Variants in CIDEA observed in about 807,000 individuals in gnomAD.
CIDEA encodes cell death inducing DFFA like effector a.
A neutral mutation model predicts 18.2 loss-of-function variants in CIDEA; 10 were observed. That is an observed-to-expected ratio of 0.55 (90% CI 0.34 to 0.93). The LOEUF is 0.93. Ranked by LOEUF, CIDEA falls within the 40% of genes least tolerant of loss-of-function variation. The probability of loss-of-function intolerance (pLI) is 0.02; values close to 1 mark genes in which losing one functional copy is unlikely to be tolerated. For missense variants in CIDEA, 309 were observed against 293.1 expected, an observed-to-expected ratio of 1.05 and a Z score of -0.40; for synonymous variants, 128 against 124.8, an observed-to-expected ratio of 1.03 and a Z score of -0.17.
intron 4 of CIDEA, 132 bp downstream of exon 4, chr18:12,274,406 T>A: frequency 1.4e-6 from 1 of 730,854 alleles, no homozygotes. Flanking sequence ...AGTAATGTTG[T>A]CTGGAGGTCA....
At chr18:12,263,027 G>A in intron 2 of CIDEA, 58 bp downstream of exon 2, 1 of 1,574,334 alleles carries the variant, frequency 6.4e-7, no homozygotes, top group Middle Eastern at 1.9e-4. Context: ...ACTCACACAG[G>A]GCCATGGTCT....
intron 3 of CIDEA, among the ~76,000 whole-genome samples, chr18:12,266,913 A>AC (rs1371727630): frequency 6.6e-6 from 1 of 152,022 alleles, no homozygotes; most frequent in Non-Finnish European, 1.5e-5. Flanking sequence ...GGCACGTGCC[A>AC]CCACGCCTGG....
In CIDEA at chr18:12,264,025, C is replaced by G. The variant is rs575804001; in HGVS notation, c.184-282C>G. On this transcript the variant is annotated intron_variant, in intron 2 of 4. Coordinates refer to ENST00000320477, the MANE Select transcript of CIDEA (RefSeq NM_001279.4). ...GCTGTGGCAGGAAGATTGCTTGAGC[C>G]CAGGAGTCTGAGGCTGTGATGCACT... Among the ~76,000 whole-genome samples, 63 of 152,232 alleles carry G rather than the reference C, an allele frequency of 4.1e-4. No homozygotes were observed. In the Middle Eastern group the frequency reaches 0.01, roughly 25 times the overall value.
In CIDEA at chr18:12,277,464, G is replaced by T. The variant is rs1215917132; in HGVS notation, c.*194G>T. ...GGGGCAGTGGGCAGGGTGCCCTGGG[G>T]GGGAGGCATAGAGGGCCCTGGGGGT... On this transcript the variant is annotated 3_prime_UTR_variant, in exon 5 of 5. Coordinates refer to ENST00000320477, the MANE Select transcript of CIDEA (RefSeq NM_001279.4). 3.4e-5 allele frequency: 22 copies of T among 638,300 alleles called. No individual in the cohort carries two copies. Among genetic ancestry groups the T allele is most frequent in the Admixed American group, 1.5e-4 (5 of 33,804 alleles). 39.5% of individuals were successfully genotyped at this position (638,300 alleles called of 1,614,324 possible). A position where few individuals can be genotyped will look rare whatever the true frequency, so the allele number is the denominator to read the frequency against.
At chr18:12,276,852 C>T (rs1265795392) in intron 4 of CIDEA, among the ~76,000 whole-genome samples, 1 of 152,194 alleles carries the variant, frequency 6.6e-6, no homozygotes, top group Admixed American at 6.5e-5. Flanking sequence ...CTCATGGGAG[C>T]CGTGCTTCTT....
chr18:12,274,378 A>G, intron 4 of CIDEA, 104 bp downstream of exon 4: 1 of 1,041,790 alleles, frequency 9.6e-7, no homozygotes, highest in Non-Finnish European at 1.4e-6. Context: ...GCCGGCTAGC[A>G]CTGTTAGGGG....
chr18:12,262,684 T>C, intron 1 of CIDEA, 141 bp from the exon 2 acceptor site: 3 of 739,312 alleles, frequency 4.1e-6, no homozygotes, highest in African/African-American at 1.8e-5. Flanking sequence ...TGTACACTTG[T>C]ATATATAATT....
chr18:12,265,664 C>T (rs895920684), intron 3 of CIDEA, among the ~76,000 whole-genome samples: 1 of 152,214 alleles, frequency 6.6e-6, no homozygotes, highest in South Asian at 2.1e-4. Context: ...TCTCTTTACT[C>T]CAGCCCCGTT....
chr18:12,259,494 G>A (rs1208800001), intron 1 of CIDEA, among the ~76,000 whole-genome samples: 2 of 152,188 alleles, frequency 1.3e-5, no homozygotes, highest in Non-Finnish European at 1.5e-5. Flanking sequence ...GCCACTCTGA[G>A]CCTCAGTTTT....
chr18:12,254,482 T>TA, intron 1 of CIDEA, 61 bp downstream of exon 1: 9 of 1,572,520 alleles, frequency 5.7e-6, no homozygotes, highest in Non-Finnish European at 7.7e-6. Flanking sequence ...TTCGGTGGCC[T>TA]CATATTCCCC....
At position 12,277,452 on chromosome 18, in the gene CIDEA, G is replaced by A; in HGVS notation, c.*182G>A. The A allele has an allele frequency of 1.4e-6, 1 of 692,032 alleles. No homozygotes were observed. Among genetic ancestry groups the A allele is most frequent in the Non-Finnish European group, 2.3e-6 (1 of 425,618 alleles). The allele number at this position is 692,032 out of a possible 1,614,324, so 42.9% of individuals were successfully genotyped here. A position where few individuals can be genotyped will look rare whatever the true frequency, so the allele number is the denominator to read the frequency against. On this transcript the variant is annotated 3_prime_UTR_variant, in exon 5 of 5. Coordinates refer to ENST00000320477, the MANE Select transcript of CIDEA (RefSeq NM_001279.4). Reference sequence around the variant, plus strand: ...GTACATGAAGTGGGGGCAGTGGGCAGGGTGCCCTGGGGGGGAGGCATAGAG... The same window carrying A: ...GTACATGAAGTGGGGGCAGTGGGCAAGGTGCCCTGGGGGGGAGGCATAGAG...
intron 3 of CIDEA, 125 bp from the exon 4 acceptor site, chr18:12,273,968 C>A: frequency 1.0e-6 from 1 of 979,614 alleles, no homozygotes; most frequent in Non-Finnish European, 1.5e-6. Context: ...TATCGATTAG[C>A]CACGGAGCCG....
chr18:12,255,052 T>C, intron 1 of CIDEA: 1 of 730,930 alleles, frequency 1.4e-6, no homozygotes, highest in African/African-American at 1.9e-5. Flanking sequence ...GGGTGGACCC[T>C]GAGGAGTCTT....
At chr18:12,255,295 C>T (rs1467150890) in intron 1 of CIDEA, among the ~76,000 whole-genome samples, 3 of 152,190 alleles carry the variant, frequency 2.0e-5, no homozygotes, top group Non-Finnish European at 4.4e-5. Context: ...CGTTCAGCGG[C>T]GCCGGGTCCC....
At chr18:12,276,318 G>A (rs1246814846) in intron 4 of CIDEA, among the ~76,000 whole-genome samples, 1 of 150,424 alleles carries the variant, frequency 6.6e-6, no homozygotes, top group African/African-American at 2.4e-5. Flanking sequence ...TAAGAAAGAG[G>A]GTCTCACACT....
intron 3 of CIDEA, 97 bp downstream of exon 3, chr18:12,264,550 C>A: frequency 1.9e-6 from 1 of 533,696 alleles, no homozygotes; most frequent in Non-Finnish European, 2.9e-6. Flanking sequence ...CACTTTCTTT[C>A]TTTTTTTTTT....
intron 4 of CIDEA, 47 bp from the exon 5 acceptor site, chr18:12,277,076 T>C (rs1459406239): frequency 6.2e-7 from 1 of 1,608,046 alleles, no homozygotes; most frequent in South Asian, 1.1e-5. Context: ...TGTTTCTCAC[T>C]GGCCCAAAAT....
chr18:12,264,610 G>A (rs1453999764), intron 3 of CIDEA, among the ~76,000 whole-genome samples, 157 bp downstream of exon 3: 3 of 151,620 alleles, frequency 2.0e-5, no homozygotes, highest in Non-Finnish European at 2.9e-5. Flanking sequence ...CTGGAGTGCA[G>A]TGGCGCGATC....
chr18:12,257,432 A>G (rs2144057312), intron 1 of CIDEA, among the ~76,000 whole-genome samples: 1 of 152,312 alleles, frequency 6.6e-6, no homozygotes, highest in Admixed American at 6.5e-5. Flanking sequence ...CATAGGTGGC[A>G]TGTAAAGAAA....
Sources: allele counts gnomAD v4.1 joint callset (sites outside exome capture counted in the v4.1 genomes callset), GRCh38; gene constraint gnomAD v4.1.1; transcripts MANE v1.5; gene names NCBI Gene and HGNC (gene_info 2026-07-23, HGNC 2026-07-21).